The following ATP8A1 variants were observed in gnomAD, a reference collection of about 807,000 sequenced individuals.
ATP8A1 encodes phospholipid-transporting ATPase IA.
ATP8A1 carries 90 observed loss-of-function variants against 177.7 expected under a neutral mutation model. The observed-to-expected ratio is 0.51, with a 90% CI of 0.43 to 0.60. The LOEUF (loss-of-function observed/expected upper bound fraction) is 0.60, where lower values mean the gene tolerates loss of function less well. Among genes scored for constraint, ATP8A1 ranks in the 20% least tolerant of loss-of-function variants. ATP8A1 has a pLI of 0.00. For missense variants in ATP8A1, 1,072 were observed against 1,392.8 expected (o/e 0.77, Z 3.67); for synonymous variants, 493 against 485.9 (o/e 1.01, Z -0.19).
chr4:42,515,877 T>C (rs915603534), intron 22 of ATP8A1, among the ~76,000 whole-genome samples: 1 of 152,246 alleles, frequency 6.6e-6, no homozygotes, highest in African/African-American at 2.4e-5. Context: ...AGACAGGTTT[T>C]ATAAATGAAC....
At chr4:42,457,821 T>C (rs527982631) in intron 27 of ATP8A1, among the ~76,000 whole-genome samples, 2 of 152,338 alleles carry the variant, frequency 1.3e-5, no homozygotes, top group African/African-American at 4.8e-5. Flanking sequence ...ACTAACATGT[T>C]TGTTTCCAAA....
chr4:42,555,139 A>AATCTATCTATCTATCT (rs1553903247), intron 16 of ATP8A1, among the ~76,000 whole-genome samples: 20 of 59,548 alleles, frequency 3.4e-4, no homozygotes, highest in South Asian at 5.3e-4. Context: ...CTATCTATCT[A>AATCTATCTATCTATCT]ATCTATCTAT....
At chr4:42,467,658 A>G (rs1190668990) in intron 25 of ATP8A1, among the ~76,000 whole-genome samples, 1 of 152,134 alleles carries the variant, frequency 6.6e-6, no homozygotes, top group East Asian at 1.9e-4. Flanking sequence ...GCGCCACTGC[A>G]CTCCAGCCTG....
rs549790627 is a variant in ATP8A1, at chr4:42,595,460, G to GA, written c.451-4577dup. Among the ~76,000 whole-genome samples the GA allele has an allele frequency of 3.3e-5, 5 of 152,252 alleles. No homozygotes were observed. The East Asian group carries it at 7.7e-4, about 23-fold the overall frequency. On this transcript the variant is annotated intron_variant, in intron 6 of 36. Coordinates refer to ENST00000381668, the MANE Select transcript of ATP8A1 (RefSeq NM_006095.2). ...CCTTGATTCAAAAAATAATTCAGCT[G>GA]AAATCTGAAAGTTGGACTAGCTGAA...
At chr4:42,528,344 C>T (rs1451409778) in intron 20 of ATP8A1, among the ~76,000 whole-genome samples, 1 of 152,154 alleles carries the variant, frequency 6.6e-6, no homozygotes, top group Non-Finnish European at 1.5e-5. Flanking sequence ...AACAATATCA[C>T]ATCCCTGGAG....
At chr4:42,521,300 C>A (rs540432999) in intron 22 of ATP8A1, among the ~76,000 whole-genome samples, 34 of 152,230 alleles carry the variant, frequency 2.2e-4, no homozygotes, top group African/African-American at 7.9e-4. Flanking sequence ...CTGGCTCCCC[C>A]TATTAGAAGC....
chr4:42,643,090 G>A (rs575657287), intron 1 of ATP8A1, among the ~76,000 whole-genome samples: 1 of 152,328 alleles, frequency 6.6e-6, no homozygotes, highest in East Asian at 1.9e-4. Context: ...GTGAAAGACT[G>A]TTCTCATCAA....
chr4:42,578,181 CT>C, intron 12 of ATP8A1, 78 bp downstream of exon 12: 1 of 1,354,200 alleles, frequency 7.4e-7, no homozygotes, highest in Non-Finnish European at 9.8e-7. Context: ...TAATTAAAAC[CT>C]TTTTTCTCCT....
chr4:42,503,096 T>A (rs1258750696), intron 24 of ATP8A1, among the ~76,000 whole-genome samples: 1 of 152,244 alleles, frequency 6.6e-6, no homozygotes, highest in East Asian at 1.9e-4. Flanking sequence ...AAAATATATA[T>A]GAATACTGGA....
At chr4:42,416,938 G>A (rs1713309341) in intron 35 of ATP8A1, among the ~76,000 whole-genome samples, 1 of 152,178 alleles carries the variant, frequency 6.6e-6, no homozygotes, top group Non-Finnish European at 1.5e-5. Context: ...GTCAACATAA[G>A]CGCAAGGTGA....
intron 15 of ATP8A1, among the ~76,000 whole-genome samples, chr4:42,560,570 ATGAG>A (rs757412065): frequency 7.2e-6 from 1 of 138,960 alleles, no homozygotes; most frequent in Non-Finnish European, 1.6e-5. Flanking sequence ...CATCACTTTA[ATGAG>A]TAAGGAACAG....
chr4:42,633,973 C>T (rs1739021804), intron 1 of ATP8A1, among the ~76,000 whole-genome samples: 1 of 152,132 alleles, frequency 6.6e-6, no homozygotes, highest in Non-Finnish European at 1.5e-5. Context: ...ACATGAGGGC[C>T]ACTAACAGTA....
chr4:42,655,808 CTT>C (rs1453033291), intron 1 of ATP8A1, among the ~76,000 whole-genome samples: 2 of 152,184 alleles, frequency 1.3e-5, no homozygotes. Context: ...ATTCTCCTAA[CTT>C]ATATATTTTT....
intron 33 of ATP8A1, among the ~76,000 whole-genome samples, chr4:42,423,995 T>C (rs913811026): frequency 1.2e-4 from 18 of 152,306 alleles, no homozygotes; most frequent in Admixed American, 9.1e-4. Flanking sequence ...TGTAAAATTA[T>C]AGGATATTAA....
chr4:42,455,444 T>C lies in ATP8A1; in HGVS notation c.2695-25A>G, dbSNP rs752700786. On this transcript the variant is annotated intron_variant, in intron 28 of 36. Transcript: ENST00000381668. ...TCTAAAGCGCACAAACTGGTCATTATGTCAAGCAGCCAAATGCAGGGTGAA... is the reference window on the plus strand; with the variant it reads ...TCTAAAGCGCACAAACTGGTCATTACGTCAAGCAGCCAAATGCAGGGTGAA... 1.9e-5 allele frequency: 30 copies of C among 1,613,650 alleles called. No individual in the cohort carries two copies. In the East Asian group the frequency reaches 4.7e-4, roughly 25 times the overall value.
At chr4:42,641,825 A>T (rs1740023648) in intron 1 of ATP8A1, among the ~76,000 whole-genome samples, 1 of 152,214 alleles carries the variant, frequency 6.6e-6, no homozygotes, top group Non-Finnish European at 1.5e-5. Flanking sequence ...TAGATATATG[A>T]TTAGTTCCAA....
At chr4:42,616,009 G>A in intron 5 of ATP8A1, 24 bp downstream of exon 5, 1 of 1,604,858 alleles carries the variant, frequency 6.2e-7, no homozygotes, top group Non-Finnish European at 8.5e-7. Flanking sequence ...ACAAATATGA[G>A]AAAAAAGCAT....
At position 42,450,980 on chromosome 4, in the gene ATP8A1, G is replaced by A. The variant is rs531144433; in HGVS notation, c.2896+1001C>T. On this transcript the variant is annotated intron_variant, in intron 30 of 36. Coordinates refer to ENST00000381668, the MANE Select transcript of ATP8A1 (RefSeq NM_006095.2). ...GGCTGCTCTTTTGGACAGGATGATCGGGGAAGGCTTCTTGAGCACAGACCT... is the reference window on the plus strand; with the variant it reads ...GGCTGCTCTTTTGGACAGGATGATCAGGGAAGGCTTCTTGAGCACAGACCT... 2.5e-4 allele frequency among the ~76,000 whole-genome samples: 38 copies of A among 152,296 alleles called. No individual in the cohort carries two copies. The South Asian group carries it at 6.2e-3, about 25-fold the overall frequency.
chr4:42,621,266 AT>A (rs1465981142), intron 4 of ATP8A1, among the ~76,000 whole-genome samples: 15 of 152,244 alleles, frequency 9.9e-5, no homozygotes, highest in Admixed American at 9.8e-4. Flanking sequence ...TACTTGGATG[AT>A]TTTGAAACTG....
Sources: gnomAD v4.1 joint callset for allele counts (sites outside exome capture counted in the v4.1 genomes callset) on GRCh38, gnomAD v4.1.1 for gene constraint, MANE v1.5 for transcripts, NCBI Gene and HGNC (gene_info 2026-07-23, HGNC 2026-07-21) for gene names.